Variants in CAMK4 observed in about 807,000 individuals in gnomAD.
The protein encoded by CAMK4 is calcium/calmodulin-dependent protein kinase type IV.
In CAMK4, 22 loss-of-function variants were observed where a neutral mutation model predicts 44.9. The observed-to-expected ratio is 0.49, with a 90% CI of 0.35 to 0.70. The LOEUF is 0.70. Ranked by LOEUF, CAMK4 falls within the 30% of genes least tolerant of loss-of-function variation. The pLI, the probability that CAMK4 is intolerant of heterozygous loss-of-function variation, is 0.01. For synonymous variants in CAMK4, 218 were observed against 215.4 expected, an observed-to-expected ratio of 1.01 and a Z score of -0.11; for missense variants, 498 against 586.8, an observed-to-expected ratio of 0.85 and a Z score of 1.56.
intron 2 of CAMK4, among the ~76,000 whole-genome samples, chr5:111,351,317 C>A (rs1010152887): frequency 2.0e-5 from 3 of 152,120 alleles, no homozygotes; most frequent in Non-Finnish European, 4.4e-5. Context: ...GACATTAGCT[C>A]CCACATCCAC....
chr5:111,376,841 T>A lies in CAMK4; in HGVS notation c.304-19T>A. The A allele has an allele frequency of 6.9e-7, 1 of 1,438,900 alleles. No individual in the cohort carries two copies. Among genetic ancestry groups the A allele is most frequent in the Non-Finnish European group, 9.7e-7 (1 of 1,030,886 alleles). 89.1% of individuals were successfully genotyped at this position (1,438,900 alleles called of 1,614,324 possible). A position where few individuals can be genotyped will look rare whatever the true frequency, so the allele number is the denominator to read the frequency against. Reference sequence around the variant, plus strand: ...GAATAAGAAATTTGTGATATTCTTTTTTTTATATCTTTCCCTAGATAAAAC... The same window carrying A: ...GAATAAGAAATTTGTGATATTCTTTATTTTATATCTTTCCCTAGATAAAAC... On this transcript the variant is annotated intron_variant, in intron 3 of 10. Transcript: ENST00000282356.
intron 5 of CAMK4, among the ~76,000 whole-genome samples, chr5:111,414,862 C>T (rs1286031880): frequency 5.9e-5 from 9 of 151,920 alleles, no homozygotes; most frequent in Admixed American, 2.6e-4. Flanking sequence ...AAGAAAGACA[C>T]AATAGAAGAC....
intron 5 of CAMK4, among the ~76,000 whole-genome samples, chr5:111,422,417 A>G (rs1367421903): frequency 6.6e-6 from 1 of 152,224 alleles, no homozygotes; most frequent in Non-Finnish European, 1.5e-5. Context: ...GGGCCTTTGC[A>G]TAGTTGCTCA....
intron 1 of CAMK4, among the ~76,000 whole-genome samples, chr5:111,313,569 C>G (rs1298695592): frequency 6.6e-6 from 1 of 152,032 alleles, no homozygotes. Context: ...TACATGTAAG[C>G]TTTGTGATCT....
chr5:111,392,037 C>G (rs1006214446), intron 4 of CAMK4, among the ~76,000 whole-genome samples: 1 of 80,292 alleles, frequency 1.2e-5, no homozygotes, highest in Admixed American at 1.5e-4. Context: ...AGAAGTTTAT[C>G]TTTTTCAAGC....
intron 1 of CAMK4, among the ~76,000 whole-genome samples, chr5:111,244,170 T>C (rs1308571196): frequency 6.6e-6 from 1 of 152,234 alleles, no homozygotes; most frequent in Non-Finnish European, 1.5e-5. Flanking sequence ...ACAGCTTTCC[T>C]GAATTATTTC....
chr5:111,422,885 C>T (rs896569606), intron 5 of CAMK4, among the ~76,000 whole-genome samples: 4 of 152,172 alleles, frequency 2.6e-5, no homozygotes, highest in African/African-American at 7.2e-5. Context: ...TGATTATACA[C>T]AGGCCTGTCT....
chr5:111,481,425 A>G (rs1376028559), intron 9 of CAMK4, among the ~76,000 whole-genome samples: 2 of 152,180 alleles, frequency 1.3e-5, no homozygotes, highest in Non-Finnish European at 2.9e-5. Context: ...TTAAGCCTAA[A>G]GAGCCTCATG....
At chr5:111,266,006 G>A (rs1750223749) in intron 1 of CAMK4, 1 of 152,104 alleles carries the variant, frequency 6.6e-6, no homozygotes, top group Admixed American at 6.5e-5. Flanking sequence ...GTTTTACTGC[G>A]ACCAACATTA....
At position 111,484,250 on chromosome 5, in the gene CAMK4, A is replaced by G; in HGVS notation, c.1206A>G (p.Lys402=). 1 of 1,614,144 alleles carries G rather than the reference A, an allele frequency of 6.2e-7. No homozygotes were observed. The highest frequency in any genetic ancestry group is 1.1e-5 in the South Asian group (1 of 91,080). ...TGATGAAGGTGCAAGCCTTAGAGAA[A>G]GTTAAAGGTGCAGATATAAATGCTG... ...AELMKVQALE[K]VKGADINAEE... The change falls in exon 11 of 11, where the codon AAA becomes AAG. Residue 402 remains lysine, a synonymous_variant. Coordinates refer to ENST00000282356, the MANE Select transcript of CAMK4 (RefSeq NM_001744.6). This position sits in a 1 kb window ranked among gnomAD's most constrained non-coding sequence, Gnocchi z 5.3.
rs77982640 is a variant in CAMK4 at position 111,312,089 on chromosome 5, A to G, written c.162-31935A>G. On this transcript the variant is annotated intron_variant, in intron 1 of 10. Coordinates refer to ENST00000282356, the MANE Select transcript of CAMK4 (RefSeq NM_001744.6). ...CTTGATTTTCTAGTTATGAATTTTC[A>G]TACAAAGAACTTATTCATTCTAAGA... 4.4e-3 allele frequency among the ~76,000 whole-genome samples: 674 copies of G among 152,270 alleles called. 5 individuals are homozygous for G. Among genetic ancestry groups the G allele is most frequent in the African/African-American group, 0.016 (655 of 41,556 alleles).
At chr5:111,422,333 C>T (rs780813928) in intron 5 of CAMK4, among the ~76,000 whole-genome samples, 2 of 152,134 alleles carry the variant, frequency 1.3e-5, no homozygotes, top group African/African-American at 2.4e-5. Flanking sequence ...GGCTCTTTTC[C>T]TATGAGGAAA....
chr5:111,410,308 A>T (rs1281504905), intron 5 of CAMK4, among the ~76,000 whole-genome samples: 1 of 152,200 alleles, frequency 6.6e-6, no homozygotes, highest in Non-Finnish European at 1.5e-5. Flanking sequence ...GGGCTTGTGC[A>T]GGGGAACTCC....
At chr5:111,452,563 C>T (rs1426254740) in intron 7 of CAMK4, among the ~76,000 whole-genome samples, 1 of 152,164 alleles carries the variant, frequency 6.6e-6, no homozygotes, top group Non-Finnish European at 1.5e-5. Flanking sequence ...CATGTCCTTC[C>T]TTAGCTTCTC....
At chr5:111,294,812 G>T (rs986596527) in intron 1 of CAMK4, among the ~76,000 whole-genome samples, 1 of 151,996 alleles carries the variant, frequency 6.6e-6, no homozygotes, top group African/African-American at 2.4e-5. Context: ...AAAGCAGGTT[G>T]CATTTTTCTT....
chr5:111,471,436 G>A (rs915851822), intron 7 of CAMK4, among the ~76,000 whole-genome samples: 2 of 152,144 alleles, frequency 1.3e-5, no homozygotes, highest in Non-Finnish European at 2.9e-5. Context: ...CTTGTATACT[G>A]TTAATTTCTT....
chr5:111,403,978 C>A (rs306098), intron 5 of CAMK4, among the ~76,000 whole-genome samples: 81,549 of 151,934 alleles, frequency 0.54, 22,637 homozygotes, highest in African/African-American at 0.69. Context: ...AAAGGAGCCT[C>A]TATTTCTTAT....
intron 5 of CAMK4, among the ~76,000 whole-genome samples, chr5:111,422,877 A>G (rs929826921): frequency 6.6e-6 from 1 of 152,150 alleles, no homozygotes; most frequent in Non-Finnish European, 1.5e-5. Flanking sequence ...CTATATTATG[A>G]TTATACACAG....
chr5:111,337,950 A>G (rs1315035922), intron 1 of CAMK4, among the ~76,000 whole-genome samples: 4 of 151,154 alleles, frequency 2.6e-5, no homozygotes, highest in Non-Finnish European at 5.9e-5. Context: ...TATGAAAAGG[A>G]TAATCCAATC....
Sources: allele counts gnomAD v4.1 joint callset (sites outside exome capture counted in the v4.1 genomes callset), GRCh38; gene constraint gnomAD v4.1.1; non-coding constraint Gnocchi (gnomAD v3.1); transcripts MANE v1.5; gene names NCBI Gene and HGNC (gene_info 2026-07-23, HGNC 2026-07-21).